KIAA1549: variants seen among roughly 807,000 people sequenced by gnomAD.
The protein encoded by KIAA1549 is UPF0606 protein KIAA1549.
KIAA1549 carries 70 observed loss-of-function variants against 156.4 expected under a neutral mutation model. The ratio of observed to expected loss-of-function variants is 0.45; its 90% CI spans 0.37 to 0.55. The LOEUF is 0.55. KIAA1549 is among the 20% of genes least tolerant of loss of function. The probability of loss-of-function intolerance (pLI) is 0.00; values close to 1 mark genes in which losing one functional copy is unlikely to be tolerated. For synonymous variants in KIAA1549, 1,103 were observed against 1,066.4 expected, an observed-to-expected ratio of 1.03 and a Z score of -0.67; for missense variants, 2,428 against 2,540.9, an observed-to-expected ratio of 0.96 and a Z score of 0.96.
At chr7:138,949,261 G>T (rs1031132231) in intron 1 of KIAA1549, among the ~76,000 whole-genome samples, 1 of 152,016 alleles carries the variant, frequency 6.6e-6, no homozygotes, top group East Asian at 1.9e-4. Context: ...ACCCCAAGTC[G>T]CTGAAAGATA....
chr7:138,861,012 C>T lies in KIAA1549; in HGVS notation c.5247+127G>A. Reference sequence around the variant, plus strand: ...TTTAGTAGAAGATAAAAACTAAGACCCATCACCCGAGTTTTAATTCTTATC... The same window carrying T: ...TTTAGTAGAAGATAAAAACTAAGACTCATCACCCGAGTTTTAATTCTTATC... On this transcript the variant is annotated intron_variant, in intron 16 of 19. Coordinates refer to ENST00000422774, the MANE Select transcript of KIAA1549 (RefSeq NM_001164665.2). 3.6e-6 allele frequency: 3 copies of T among 844,190 alleles called. No homozygotes were observed. In the South Asian group the frequency reaches 4.6e-5, roughly 13 times the overall value. The allele number at this position is 844,190 out of a possible 1,614,324, so 52.3% of individuals were successfully genotyped here. A position where few individuals can be genotyped will look rare whatever the true frequency, so the allele number is the denominator to read the frequency against.
chr7:138,869,786 G>A, intron 13 of KIAA1549, 25 bp from the exon 14 acceptor site: 2 of 1,573,378 alleles, frequency 1.3e-6, no homozygotes, highest in Non-Finnish European at 8.7e-7. Context: ...GGGAGAGAAA[G>A]ACAGCCATAG....
At chr7:138,876,654 C>G (rs1584723171) in intron 12 of KIAA1549, among the ~76,000 whole-genome samples, 1 of 152,346 alleles carries the variant, frequency 6.6e-6, no homozygotes, top group African/African-American at 2.4e-5. Flanking sequence ...TGGTATATTC[C>G]TGATGATAAA....
Position 138,894,381 on chromosome 7 carries a change from A to G in KIAA1549, c.3993T>C (p.Phe1331=), listed in dbSNP as rs1277277529. 6.2e-7 allele frequency: 1 copy of G among 1,613,984 alleles called. No homozygotes were observed. Among genetic ancestry groups the G allele is most frequent in the Admixed American group, 1.7e-5 (1 of 60,022 alleles). The part of the protein sequence containing the change: ...WKLCRTDKLD[F]QPDTVANIQQ... ...GAATGTTGGCCACAGTGTCAGGCTG[A>G]AAGTCTAGCTTGTCTGTGCGGCATA... is the stretch of plus-strand genomic sequence containing the variant. The change falls in exon 10 of 20, where the codon TTT becomes TTC. Residue 1331 remains phenylalanine, a synonymous_variant. Transcript: ENST00000422774.
chr7:138,973,769 C>T (rs149001216), intron 1 of KIAA1549, among the ~76,000 whole-genome samples: 3 of 152,304 alleles, frequency 2.0e-5, no homozygotes, highest in East Asian at 3.9e-4. Context: ...CTCAGCCTCC[C>T]GAATAGCTGA....
In KIAA1549 at chr7:138,832,954, A is replaced by C. The variant is rs1809582859; in HGVS notation, c.*4952T>G. On this transcript the variant is annotated 3_prime_UTR_variant, in exon 20 of 20. Transcript: ENST00000422774. ...GTATGTTACAGCAGCTGCTCATAGA[A>C]ACCCTGTTAGAACGTGTTAACATGT... The C allele has an allele frequency of 4.3e-6, 1 of 231,180 alleles. No homozygotes were observed. The highest frequency in any genetic ancestry group is 1.8e-4 in the South Asian group (1 of 5,508). 14.3% of individuals were successfully genotyped at this position (231,180 alleles called of 1,614,324 possible). A position where few individuals can be genotyped will look rare whatever the true frequency, so the allele number is the denominator to read the frequency against.
intron 5 of KIAA1549, 40 bp from the exon 6 acceptor site, chr7:138,907,142 A>G: frequency 1.4e-6 from 2 of 1,415,388 alleles, no homozygotes; most frequent in East Asian, 2.6e-5. Flanking sequence ...ATAATAAAAC[A>G]TTCTGCTGAA....
rs1809620508 is a variant in KIAA1549 at position 138,833,875 on chromosome 7, A to G, written c.*4031T>C. 1 of 232,852 alleles carries G rather than the reference A, an allele frequency of 4.3e-6. No homozygotes were observed. The highest frequency in any genetic ancestry group is 8.5e-6 in the Non-Finnish European group (1 of 117,872). 14.4% of individuals were successfully genotyped at this position (232,852 alleles called of 1,614,324 possible). On this transcript the variant is annotated 3_prime_UTR_variant, in exon 20 of 20. Transcript: ENST00000422774. ...CGTTTCCTTGCTGCATGACTGCAAAAGCATCCTTCCAGCACCTCTTCCTTC... is the reference window on the plus strand; with the variant it reads ...CGTTTCCTTGCTGCATGACTGCAAAGGCATCCTTCCAGCACCTCTTCCTTC...
intron 12 of KIAA1549, 79 bp downstream of exon 12, chr7:138,879,459 T>C: frequency 1.2e-6 from 1 of 808,450 alleles, no homozygotes; most frequent in Non-Finnish European, 1.9e-6. Flanking sequence ...GGGTTTAGCA[T>C]TTGAAATACT....
Position 138,918,447 on chromosome 7 carries a change from C to T in KIAA1549, c.1179G>A (p.Leu393=). 1 of 1,613,932 alleles carries T rather than the reference C, an allele frequency of 6.2e-7. No homozygotes were observed. The change falls in exon 2 of 20, where the codon TTG becomes TTA. Residue 393 remains leucine, a synonymous_variant. Transcript: ENST00000422774. This position sits in a 1 kb window ranked among gnomAD's most constrained non-coding sequence, Gnocchi z 4.2. The stretch of plus-strand genomic sequence containing the variant: ...GACCGGGGAGGGCTGAATTGCTATG[C>T]AATTCGGATGTTTTGCTGGAGTCGC... ...LPSDSSKTSE[L]HSNSALPGPV...
intron 1 of KIAA1549, among the ~76,000 whole-genome samples, chr7:138,952,169 G>A (rs1156796823): frequency 2.0e-5 from 3 of 152,216 alleles, no homozygotes; most frequent in Non-Finnish European, 4.4e-5. Context: ...GACTCAATGT[G>A]GCTGAGGATG....
chr7:138,879,733 A>T, intron 11 of KIAA1549, 80 bp from the exon 12 acceptor site: 1 of 937,918 alleles, frequency 1.1e-6, no homozygotes, highest in Non-Finnish European at 1.6e-6. Flanking sequence ...TGTGTGTGGA[A>T]GTCAGGCTTC....
chr7:138,853,055 T>C (rs1230629351), intron 16 of KIAA1549, among the ~76,000 whole-genome samples: 2 of 152,234 alleles, frequency 1.3e-5, no homozygotes, highest in Non-Finnish European at 2.9e-5. Flanking sequence ...AACCCTAATA[T>C]ACATGGGACT....
chr7:138,944,620 G>C (rs1813288111), intron 1 of KIAA1549, among the ~76,000 whole-genome samples: 1 of 151,116 alleles, frequency 6.6e-6, no homozygotes, highest in African/African-American at 2.4e-5. Flanking sequence ...ATTCACAAAA[G>C]CCAACAGATG....
intron 1 of KIAA1549, among the ~76,000 whole-genome samples, chr7:138,929,057 G>A (rs1414063330): frequency 1.3e-5 from 2 of 152,114 alleles, no homozygotes; most frequent in South Asian, 2.1e-4. Flanking sequence ...GAGGGTGGGT[G>A]GCTGATGAAG....
In KIAA1549 at chr7:138,834,100, G is replaced by A. The variant is rs972020066; in HGVS notation, c.*3806C>T. ...ACTTCAGAAGTTGACGTCTCCCCAA[G>A]ATATTGCATTTCCAAACATGCAACT... On this transcript the variant is annotated 3_prime_UTR_variant, in exon 20 of 20. Coordinates refer to ENST00000422774, the MANE Select transcript of KIAA1549 (RefSeq NM_001164665.2). The A allele has an allele frequency of 4.0e-5, 9 of 222,862 alleles. No individual in the cohort carries two copies. Among genetic ancestry groups the A allele is most frequent in the Non-Finnish European group, 7.2e-5 (8 of 111,510 alleles). 13.8% of individuals were successfully genotyped at this position (222,862 alleles called of 1,614,324 possible).
intron 18 of KIAA1549, 64 bp downstream of exon 18, chr7:138,844,253 A>G: frequency 6.3e-7 from 1 of 1,592,748 alleles, no homozygotes; most frequent in Non-Finnish European, 8.6e-7. Context: ...AGACACCTAA[A>G]ATAAAGTTTC....
At chr7:138,890,338 C>G (rs2130426425) in intron 10 of KIAA1549, among the ~76,000 whole-genome samples, 1 of 152,376 alleles carries the variant, frequency 6.6e-6, no homozygotes, top group Non-Finnish European at 1.5e-5. Context: ...AATAGAAACA[C>G]AGAGCAAATC....
At chr7:138,856,039 T>A (rs559304431) in intron 16 of KIAA1549, among the ~76,000 whole-genome samples, 11 of 151,232 alleles carry the variant, frequency 7.3e-5, no homozygotes, top group East Asian at 1.9e-4. Context: ...TTATTTTATT[T>A]TTTTTTTTTT....
Sources: allele counts gnomAD v4.1 joint callset (sites outside exome capture counted in the v4.1 genomes callset), GRCh38; gene constraint gnomAD v4.1.1; non-coding constraint Gnocchi (gnomAD v3.1); transcripts MANE v1.5; gene names NCBI Gene and HGNC (gene_info 2026-07-23, HGNC 2026-07-21).